Variants in FGD3 observed in about 807,000 individuals in gnomAD.
The protein encoded by FGD3 is FYVE, RhoGEF and PH domain containing 3, also known as FYVE, RhoGEF and PH domain-containing protein 3.
A neutral mutation model predicts 71.8 loss-of-function variants in FGD3; 45 were observed. The ratio of observed to expected loss-of-function variants is 0.63; its 90% CI spans 0.49 to 0.80. FGD3 has a LOEUF of 0.80. FGD3 is among the 30% of genes least tolerant of loss of function. The probability of loss-of-function intolerance (pLI) is 0.00; values close to 1 mark genes in which losing one functional copy is unlikely to be tolerated. For synonymous variants in FGD3, 378 were observed against 392.8 expected (o/e 0.96, Z 0.44); for missense variants, 844 against 951.5 (o/e 0.89, Z 1.49).
intron 11 of FGD3, among the ~76,000 whole-genome samples, chr9:93,018,750 G>C (rs935672597): frequency 3.3e-5 from 5 of 152,190 alleles, no homozygotes; most frequent in Admixed American, 6.5e-5. Context: ...TGGGACTCGG[G>C]GCGGTTTTAG....
intron 14 of FGD3, 49 bp from the exon 15 acceptor site, chr9:93,029,825 G>A (rs1479428482): frequency 6.3e-7 from 1 of 1,591,608 alleles, no homozygotes; most frequent in Admixed American, 1.7e-5. Flanking sequence ...TGTGGGGTAG[G>A]GTGCACACAT....
chr9:93,021,415 C>T (rs1375938323), intron 13 of FGD3, among the ~76,000 whole-genome samples: 1 of 152,184 alleles, frequency 6.6e-6, no homozygotes, highest in Non-Finnish European at 1.5e-5. Context: ...CCGGGGCTTC[C>T]CTGGAGTCAG....
rs188077299 is a variant in FGD3 at position 93,019,721 on chromosome 9, C to T, written c.1356-110C>T. On this transcript the variant is annotated intron_variant, in intron 11 of 17. Coordinates refer to ENST00000375482, the MANE Select transcript of FGD3 (RefSeq NM_001083536.2). ...GGCCAATCTTCCAATCCTTGAGCTG[C>T]GTTGACAAGCCAGTGCGTGGCTCGG... 29 of 1,043,058 alleles carry T rather than the reference C, an allele frequency of 2.8e-5. No individual in the cohort carries two copies. In the East Asian group the frequency reaches 4.4e-4, roughly 16 times the overall value. 64.6% of individuals were successfully genotyped at this position (1,043,058 alleles called of 1,614,324 possible).
chr9:92,992,995 C>G (rs975389603), intron 3 of FGD3, among the ~76,000 whole-genome samples: 1 of 152,180 alleles, frequency 6.6e-6, no homozygotes, highest in African/African-American at 2.4e-5. Flanking sequence ...CTCCACACTG[C>G]TCTCTCAATC....
intron 1 of FGD3, among the ~76,000 whole-genome samples, chr9:92,970,662 G>A (rs1461936794): frequency 2.0e-5 from 3 of 152,228 alleles, no homozygotes; most frequent in Admixed American, 2.0e-4. Context: ...GATGGGGAGT[G>A]ACACATGACT....
chr9:92,967,193 C>T (rs1025984150), intron 1 of FGD3, among the ~76,000 whole-genome samples: 1 of 152,120 alleles, frequency 6.6e-6, no homozygotes, highest in Admixed American at 6.5e-5. Flanking sequence ...GAACTCCTGA[C>T]CTCAGGTGAT....
At chr9:93,024,825 G>C (rs1385971847) in intron 14 of FGD3, among the ~76,000 whole-genome samples, 2 of 152,262 alleles carry the variant, frequency 1.3e-5, no homozygotes, top group African/African-American at 2.4e-5. Flanking sequence ...ACAGGAGAAT[G>C]TTCTAGCTGG....
At chr9:92,952,387 C>T (rs1421704256) in intron 1 of FGD3, among the ~76,000 whole-genome samples, 1 of 152,106 alleles carries the variant, frequency 6.6e-6, no homozygotes, top group Non-Finnish European at 1.5e-5. Flanking sequence ...CAGGCACCCG[C>T]CACCACGCCC....
At chr9:92,968,603 C>A (rs12353227) in intron 1 of FGD3, among the ~76,000 whole-genome samples, 4 of 145,214 alleles carry the variant, frequency 2.8e-5, no homozygotes, top group Admixed American at 2.7e-4. Context: ...TTTTTTCTTT[C>A]TTTCTTTTTT....
At chr9:92,947,976 G>A (rs1244781569) in intron 1 of FGD3, among the ~76,000 whole-genome samples, 1 of 152,082 alleles carries the variant, frequency 6.6e-6, no homozygotes, top group African/African-American at 2.4e-5. Context: ...AAACCACCTT[G>A]GCAGTCCTCG....
rs1029907398 is a variant in FGD3, at chr9:93,035,646, G to C, written c.*57G>C. ...CATTGGACCTGTGCTGTCCTGGGAG[G>C]TGGTGTTGGAGGCCCCATGAAGAGC... On this transcript the variant is annotated 3_prime_UTR_variant, in exon 18 of 18. Transcript: ENST00000375482. 4 of 1,521,708 alleles carry C rather than the reference G, an allele frequency of 2.6e-6. No homozygotes were observed. The African/African-American group carries it at 4.1e-5, about 16-fold the overall frequency. The allele number at this position is 1,521,708 out of a possible 1,614,324, so 94.3% of individuals were successfully genotyped here. A position where few individuals can be genotyped will look rare whatever the true frequency, so the allele number is the denominator to read the frequency against.
At chr9:93,012,702 G>A (rs1278798655) in intron 8 of FGD3, among the ~76,000 whole-genome samples, 1 of 140,498 alleles carries the variant, frequency 7.1e-6, no homozygotes, top group Non-Finnish European at 1.5e-5. Context: ...TGTGGGGGGG[G>A]GAAGAATCAA....
rs565849461 is a variant in FGD3, at chr9:93,029,877, G to A, written c.1561G>A (p.Glu521Lys). The change falls in exon 15 of 18, where the codon GAG becomes AAG. Residue 521 changes from glutamate (E) to lysine (K), a missense_variant. Glu to Lys is a moderately conservative substitution (Grantham distance 56). Coordinates refer to ENST00000375482, the MANE Select transcript of FGD3 (RefSeq NM_001083536.2). Reference sequence around the variant, plus strand: ...GCATCTATTTGCCTCCTTATAGCTCGAGCCCAGAAAACTATCCTCTAAGAC... The same window carrying A: ...GCATCTATTTGCCTCCTTATAGCTCAAGCCCAGAAAACTATCCTCTAAGAC... ...TEGSSGAAGLEPRKLSSKTRR... is the reference protein window; with the variant it reads ...TEGSSGAAGLKPRKLSSKTRR... 1.6e-5 allele frequency: 25 copies of A among 1,612,438 alleles called. No individual in the cohort carries two copies. The Middle Eastern group carries it at 6.6e-4, about 43-fold the overall frequency.
At chr9:93,027,822 C>G (rs556389616) in intron 14 of FGD3, among the ~76,000 whole-genome samples, 10 of 147,342 alleles carry the variant, frequency 6.8e-5, no homozygotes, top group African/African-American at 2.5e-4. Flanking sequence ...CAGGCTCAAG[C>G]GATCCTCCTA....
intron 10 of FGD3, 74 bp from the exon 11 acceptor site, chr9:93,018,062 A>C (rs1476255574): frequency 7.1e-7 from 1 of 1,415,840 alleles, no homozygotes; most frequent in African/African-American, 1.4e-5. Context: ...AAACACTTCT[A>C]AGTCAGAAAA....
intron 1 of FGD3, among the ~76,000 whole-genome samples, chr9:92,963,246 G>A (rs1196687690): frequency 6.6e-6 from 1 of 152,196 alleles, no homozygotes; most frequent in African/African-American, 2.4e-5. Context: ...GGCACCTGCG[G>A]CAGCACCTGG....
At chr9:92,975,644 T>C (rs1859716059) in intron 2 of FGD3, among the ~76,000 whole-genome samples, 1 of 152,044 alleles carries the variant, frequency 6.6e-6, no homozygotes, top group African/African-American at 2.4e-5. Flanking sequence ...AGGAGGAGTT[T>C]TGGGGCAAAG....
intron 1 of FGD3, among the ~76,000 whole-genome samples, chr9:92,962,600 C>T (rs961133892): frequency 1.3e-5 from 2 of 152,230 alleles, no homozygotes; most frequent in African/African-American, 4.8e-5. Flanking sequence ...CCACCACATG[C>T]ATCCCACATT....
chr9:93,015,755 T>C lies in FGD3; in HGVS notation c.1201T>C (p.Tyr401His). Residue 401 changes from tyrosine to histidine, a missense_variant, in exon 10 of 18, where the codon TAC becomes CAC. Tyr to His is a moderately conservative substitution (Grantham distance 83). Transcript: ENST00000375482. ...CTTGCAGTTCAACAGCATGATCCTT[T>C]ACTGTGTGCCCAAGCTGCGGCTCAT... ...HLFLFNSMIL[Y>H]CVPKLRLMGQ... 6.2e-7 allele frequency: 1 copy of C among 1,614,202 alleles called. No homozygotes were observed. The highest frequency in any genetic ancestry group is 8.5e-7 in the Non-Finnish European group (1 of 1,180,032).
Sources: allele counts gnomAD v4.1 joint callset (sites outside exome capture counted in the v4.1 genomes callset), GRCh38; gene constraint gnomAD v4.1.1; transcripts MANE v1.5; gene names NCBI Gene and HGNC (gene_info 2026-07-23, HGNC 2026-07-21).